Variants in EED observed in about 807,000 individuals in gnomAD.
The protein encoded by EED is embryonic ectoderm development.
A neutral mutation model predicts 61.0 loss-of-function variants in EED; 9 were observed. That is an observed-to-expected ratio of 0.15 (90% CI 0.09 to 0.26). The LOEUF (loss-of-function observed/expected upper bound fraction) is 0.26, where lower values mean the gene tolerates loss of function less well. Ranked by LOEUF, EED falls within the 10% of genes least tolerant of loss-of-function variation. The pLI is 1.00. For synonymous variants in EED, 187 were observed against 174.4 expected (o/e 1.07, Z -0.57); for missense variants, 315 against 542.3 (o/e 0.58, Z 4.16).
intron 10 of EED, 111 bp downstream of exon 10, chr11:86,277,249 GT>G: frequency 9.9e-7 from 1 of 1,011,258 alleles, no homozygotes; most frequent in Non-Finnish European, 1.4e-6. Context: ...CTACCCTGAT[GT>G]TTTGTATTGA....
chr11:86,252,511 G>A (rs545595711), intron 3 of EED, among the ~76,000 whole-genome samples: 23 of 146,602 alleles, frequency 1.6e-4, no homozygotes, highest in Non-Finnish European at 3.3e-4. Flanking sequence ...AAGAATTGGC[G>A]TCCTTTTTTT....
At chr11:86,275,920 A>G (rs1223807144) in intron 9 of EED, among the ~76,000 whole-genome samples, 1 of 152,330 alleles carries the variant, frequency 6.6e-6, no homozygotes, top group East Asian at 1.9e-4. Context: ...TCTCCTCCCT[A>G]ATCTTCAAGT....
At chr11:86,272,347 C>A (rs569197737) in intron 9 of EED, among the ~76,000 whole-genome samples, 5 of 151,818 alleles carry the variant, frequency 3.3e-5, no homozygotes. Flanking sequence ...CGTGAGCCAC[C>A]GCGCCCGGCC....
At chr11:86,264,324 G>C (rs906527117) in intron 7 of EED, 61 bp downstream of exon 7, 2 of 1,203,176 alleles carry the variant, frequency 1.7e-6, no homozygotes, top group African/African-American at 1.5e-5. Flanking sequence ...CAGTCTCCAT[G>C]GAACTGTTTC....
intron 2 of EED, among the ~76,000 whole-genome samples, chr11:86,251,017 G>A (rs1309435986): frequency 1.3e-5 from 2 of 151,974 alleles, no homozygotes; most frequent in African/African-American, 4.8e-5. Flanking sequence ...TATAAAAGGG[G>A]TTACTGGTGT....
intron 10 of EED, 188 bp downstream of exon 10, chr11:86,277,326 G>T (rs1041497576): frequency 3.8e-5 from 18 of 470,464 alleles, no homozygotes; most frequent in African/African-American, 3.6e-4. Flanking sequence ...TTGTGGCTCT[G>T]CATATGATCT....
Position 86,245,157 on chromosome 11 carries a change from C to A in EED, c.-73C>A. On this transcript the variant is annotated 5_prime_UTR_variant, in exon 1 of 12. Coordinates refer to ENST00000263360, the MANE Select transcript of EED (RefSeq NM_003797.5). ...GCGGCAACTTTGCGGCAAGCTCGGG[C>A]CGGGCTTGCTTGACGGCGGTGTGGC... The A allele has an allele frequency of 7.7e-7, 1 of 1,300,692 alleles. No individual in the cohort carries two copies. Among genetic ancestry groups the A allele is most frequent in the Non-Finnish European group, 1.1e-6 (1 of 924,268 alleles). 80.6% of individuals were successfully genotyped at this position (1,300,692 alleles called of 1,614,324 possible). A position where few individuals can be genotyped will look rare whatever the true frequency, so the allele number is the denominator to read the frequency against.
intron 7 of EED, chr11:86,265,069 G>A (rs1180453598): frequency 2.0e-5 from 3 of 152,202 alleles, no homozygotes; most frequent in South Asian, 2.1e-4. Context: ...AGCATTCTAC[G>A]TCTGGCTTTA....
At chr11:86,254,048 C>CAAAAAAAAAAAAAAAAAAAAA (rs201298345) in intron 3 of EED, among the ~76,000 whole-genome samples, 3 of 56,314 alleles carry the variant, frequency 5.3e-5, no homozygotes, top group Non-Finnish European at 1.1e-4. Context: ...AACTCTGTCT[C>CAAAAAAAAAAAAAAAAAAAAA]AAAAAAAAAA....
intron 6 of EED, among the ~76,000 whole-genome samples, chr11:86,263,754 G>A (rs570309475): frequency 2.0e-5 from 3 of 152,278 alleles, no homozygotes; most frequent in Non-Finnish European, 2.9e-5. Flanking sequence ...ACATGGTGCC[G>A]GCATCTGGTG....
At chr11:86,275,722 A>G (rs1946212275) in intron 9 of EED, among the ~76,000 whole-genome samples, 1 of 152,188 alleles carries the variant, frequency 6.6e-6, no homozygotes, top group African/African-American at 2.4e-5. Context: ...ACTCTGAATC[A>G]GTAGGGGCTG....
At chr11:86,281,999 TATAGA>T (rs1946329561), downstream of EED, among the ~76,000 whole-genome samples, 1 of 152,214 alleles carries the variant, frequency 6.6e-6, no homozygotes, top group Non-Finnish European at 1.5e-5. Flanking sequence ...GTTTCAAACA[TATAGA>T]AGAGTGAAGA....
At chr11:86,254,876 C>G (rs1226156343) in intron 3 of EED, among the ~76,000 whole-genome samples, 1 of 152,214 alleles carries the variant, frequency 6.6e-6, no homozygotes, top group South Asian at 2.1e-4. Flanking sequence ...ATGCCTTGGC[C>G]TCCCAAAATG....
At chr11:86,245,517 C>G (rs1400666424) in intron 1 of EED, among the ~76,000 whole-genome samples, 174 bp downstream of exon 1, 2 of 151,414 alleles carry the variant, frequency 1.3e-5, no homozygotes, top group South Asian at 2.1e-4. Context: ...GATGTGGGGC[C>G]GAGAGCAAGC....
chr11:86,281,487 T>C (rs1770493214), downstream of EED, among the ~76,000 whole-genome samples: 1 of 152,226 alleles, frequency 6.6e-6, no homozygotes, highest in Non-Finnish European at 1.5e-5. Context: ...TAGTTTGTTC[T>C]TTTTCTAGTT....
At chr11:86,260,235 A>G (rs1945792048) in intron 6 of EED, among the ~76,000 whole-genome samples, 2 of 151,876 alleles carry the variant, frequency 1.3e-5, no homozygotes, top group South Asian at 4.1e-4. Context: ...TTTTTTTTAA[A>G]TACTGTTTTA....
At chr11:86,256,599 A>G (rs1188408188) in intron 5 of EED, 87 bp downstream of exon 5, 2 of 1,271,908 alleles carry the variant, frequency 1.6e-6, no homozygotes, top group Non-Finnish European at 2.1e-6. Context: ...AACTAATGGT[A>G]TGAATGTAAC....
chr11:86,256,953 C>G (rs1392623948), intron 5 of EED, among the ~76,000 whole-genome samples: 2 of 152,102 alleles, frequency 1.3e-5, no homozygotes, highest in Non-Finnish European at 2.9e-5. Context: ...CTACATCACA[C>G]TCTCCTGAGG....
chr11:86,271,209 A>G (rs1438213962), intron 9 of EED, among the ~76,000 whole-genome samples: 3 of 152,190 alleles, frequency 2.0e-5, no homozygotes, highest in Non-Finnish European at 2.9e-5. Flanking sequence ...GACTTTTGTC[A>G]TCAGCATTTT....
Sources: allele counts gnomAD v4.1 joint callset (sites outside exome capture counted in the v4.1 genomes callset), GRCh38; gene constraint gnomAD v4.1.1; transcripts MANE v1.5; gene names NCBI Gene and HGNC (gene_info 2026-07-23, HGNC 2026-07-21).